CNIH3: variants seen among roughly 807,000 people sequenced by gnomAD.
The protein encoded by CNIH3 is protein cornichon homolog 3.
A neutral mutation model predicts 24.1 loss-of-function variants in CNIH3; 14 were observed. The observed-to-expected ratio is 0.58, with a 90% confidence interval of 0.38 to 0.91. The LOEUF (loss-of-function observed/expected upper bound fraction) is 0.91. Among genes scored for constraint, CNIH3 ranks in the 40% least tolerant of loss-of-function variants. The pLI, the probability that CNIH3 is intolerant of heterozygous loss-of-function variation, is 0.00. For synonymous variants in CNIH3, 68 were observed against 73.8 expected, an observed-to-expected ratio of 0.92 and a Z score of 0.40; for missense variants, 178 against 196.8, an observed-to-expected ratio of 0.90 and a Z score of 0.57.
intron 3 of CNIH3, among the ~76,000 whole-genome samples, chr1:224,686,963 T>C (rs1480075378): frequency 6.6e-6 from 1 of 152,242 alleles, no homozygotes; most frequent in African/African-American, 2.4e-5. Flanking sequence ...TTTTGCCCCT[T>C]TCATTTGTAC....
intron 3 of CNIH3, among the ~76,000 whole-genome samples, chr1:224,606,725 C>G (rs1203764459): frequency 1.3e-5 from 2 of 152,146 alleles, no homozygotes; most frequent in East Asian, 3.9e-4. Flanking sequence ...TTCCTCCTAT[C>G]CATATTGCCA....
intron 4 of CNIH3, among the ~76,000 whole-genome samples, chr1:224,578,975 T>A (rs1681152414): frequency 6.6e-6 from 1 of 152,158 alleles, no homozygotes; most frequent in Admixed American, 6.5e-5. Flanking sequence ...TCTTTGTCGA[T>A]GTCTTGTTTT....
At chr1:224,632,212 G>A (rs1313103494) in intron 1 of CNIH3, among the ~76,000 whole-genome samples, 1 of 152,186 alleles carries the variant, frequency 6.6e-6, no homozygotes, top group East Asian at 1.9e-4. Flanking sequence ...ACATGTGCAT[G>A]TGGATGTGGA....
At chr1:224,592,177 T>C (rs1681788469), downstream of CNIH3, among the ~76,000 whole-genome samples, 1 of 152,004 alleles carries the variant, frequency 6.6e-6, no homozygotes, top group Non-Finnish European at 1.5e-5. Context: ...TGTGTGTGTG[T>C]GCATACATAT....
intron 4 of CNIH3, among the ~76,000 whole-genome samples, chr1:224,568,116 C>G (rs769490210): frequency 2.0e-5 from 3 of 152,174 alleles, no homozygotes; most frequent in Non-Finnish European, 4.4e-5. Flanking sequence ...ATGGTAAAAC[C>G]CCGTCTTTAC....
intron 3 of CNIH3, among the ~76,000 whole-genome samples, chr1:224,553,758 T>G (rs77253581): frequency 6.7e-6 from 1 of 148,940 alleles, no homozygotes; most frequent in African/African-American, 2.5e-5. Context: ...TTTTTTTTTT[T>G]AATACAAGTG....
chr1:224,664,109 T>TG (rs140197276), intron 1 of CNIH3, among the ~76,000 whole-genome samples: 2,352 of 152,056 alleles, frequency 0.015, 63 homozygotes, highest in African/African-American at 0.054. Flanking sequence ...CAACTAAAAT[T>TG]GGGGGTTTAT....
In CNIH3 at chr1:224,734,827, A is replaced by T. The variant is rs903413817; in HGVS notation, c.455+121A>T. On this transcript the variant is annotated intron_variant, in intron 5 of 5. Transcript: ENST00000272133. ...GCGAGGGTGGGAGTCATGGCCATTC[A>T]GGTGTAGTCCCAGCTGTCTGACTCT... is the stretch of plus-strand genomic sequence containing the variant. The T allele has an allele frequency of 1.1e-5, 11 of 996,070 alleles. No individual in the cohort carries two copies. In the Admixed American group the frequency reaches 2.0e-4, roughly 18 times the overall value. The allele number at this position is 996,070 out of a possible 1,614,324, so 61.7% of individuals were successfully genotyped here. A position where few individuals can be genotyped will look rare whatever the true frequency, so the allele number is the denominator to read the frequency against.
intron 3 of CNIH3, among the ~76,000 whole-genome samples, chr1:224,712,059 C>T (rs543676277): frequency 1.3e-5 from 2 of 152,168 alleles, no homozygotes; most frequent in South Asian, 2.1e-4. Context: ...GCTTCAAGCC[C>T]GGGCCAGCCG....
intron 3 of CNIH3, among the ~76,000 whole-genome samples, chr1:224,553,029 G>T (rs1012863180): frequency 6.7e-6 from 1 of 149,198 alleles, no homozygotes; most frequent in Non-Finnish European, 1.5e-5. Flanking sequence ...ATCTCCCTTA[G>T]ATATTATGAT....
chr1:224,550,021 A>C (rs533916046), intron 3 of CNIH3, among the ~76,000 whole-genome samples: 1 of 152,156 alleles, frequency 6.6e-6, no homozygotes, highest in African/African-American at 2.4e-5. Context: ...TAAACACAGG[A>C]TATCATAGAA....
At chr1:224,673,888 A>G (rs568345900) in intron 1 of CNIH3, among the ~76,000 whole-genome samples, 46 of 152,186 alleles carry the variant, frequency 3.0e-4, no homozygotes, top group South Asian at 4.1e-4. Context: ...AGCGTGCTGG[A>G]TGGAGCACTA....
rs533231663 is a variant in CNIH3, at chr1:224,575,518, G to A, written n.517-7646G>A. The A allele has an allele frequency of 1.6e-3, 815 of 500,274 alleles. 2 individuals are homozygous for A. The highest frequency in any genetic ancestry group is 2.1e-3 in the Non-Finnish European group (580 of 272,842). 31.0% of individuals were successfully genotyped at this position (500,274 alleles called of 1,614,324 possible). On this transcript the variant is annotated intron_variant and non_coding_transcript_variant, in intron 4 of 5. Transcript: ENST00000471578. ...GAGAGCAACCTATAGAGTGGCCAGC[G>A]AGGGTGTGTCTAGCTTGATGTTGGA...
intron 3 of CNIH3, among the ~76,000 whole-genome samples, chr1:224,695,756 T>G (rs1424881983): frequency 6.6e-6 from 1 of 152,200 alleles, no homozygotes; most frequent in Non-Finnish European, 1.5e-5. Context: ...CAGGCTCCCC[T>G]GTAGTCTGGA....
At chr1:224,711,591 T>C (rs1483181709) in intron 3 of CNIH3, among the ~76,000 whole-genome samples, 3 of 151,834 alleles carry the variant, frequency 2.0e-5, no homozygotes, top group African/African-American at 7.3e-5. Flanking sequence ...ATCTAGGAGT[T>C]TGAGACCAGC....
At chr1:224,544,239 T>C (rs2124954046) in intron 2 of CNIH3, among the ~76,000 whole-genome samples, 1 of 152,316 alleles carries the variant, frequency 6.6e-6, no homozygotes, top group African/African-American at 2.4e-5. Context: ...CCAAAATAGT[T>C]GCAATCACCA....
intron 5 of CNIH3, among the ~76,000 whole-genome samples, chr1:224,583,493 T>A (rs1426527075): frequency 6.6e-6 from 1 of 152,168 alleles, no homozygotes; most frequent in Non-Finnish European, 1.5e-5. Context: ...CGTTCATTAT[T>A]AGAAATTTCT....
chr1:224,441,213 A>G (rs1234936940), intron 1 of CNIH3, among the ~76,000 whole-genome samples: 1 of 152,234 alleles, frequency 6.6e-6, no homozygotes, highest in Non-Finnish European at 1.5e-5. Context: ...CTTCTAAAGC[A>G]CACGTTTTTA....
At chr1:224,614,438 C>G (rs900555125), upstream of CNIH3, among the ~76,000 whole-genome samples, 1 of 152,168 alleles carries the variant, frequency 6.6e-6, no homozygotes, top group African/African-American at 2.4e-5. Context: ...CTTTGGGAGG[C>G]CAAGGCTGGA....
Sources: allele counts gnomAD v4.1 joint callset (sites outside exome capture counted in the v4.1 genomes callset), GRCh38; gene constraint gnomAD v4.1.1; transcripts MANE v1.5; gene names NCBI Gene and HGNC (gene_info 2026-07-23, HGNC 2026-07-21).